Variants in RHOQ observed in about 807,000 individuals in gnomAD.
RHOQ encodes rho-related GTP-binding protein RhoQ.
Under a neutral mutation model 25.8 loss-of-function variants are expected in RHOQ, and 7 were observed. The observed-to-expected ratio is 0.27, with a 90% CI of 0.15 to 0.51. RHOQ has a LOEUF of 0.51. Among genes scored for constraint, RHOQ ranks in the 20% least tolerant of loss-of-function variants. The pLI, the probability that RHOQ is intolerant of heterozygous loss-of-function variation, is 0.97. For missense variants in RHOQ, 165 were observed against 260.6 expected (o/e 0.63, Z 2.53); for synonymous variants, 97 against 98.6 (o/e 0.98, Z 0.10).
At position 46,548,453 on chromosome 2, in the gene RHOQ, A is replaced by G. The variant is rs1013301804; in HGVS notation, c.201+4641A>G. 6.6e-6 allele frequency among the ~76,000 whole-genome samples: 1 copy of G among 152,222 alleles called. No individual in the cohort carries two copies. The highest frequency in any genetic ancestry group is 2.4e-5 in the African/African-American group (1 of 41,460). On this transcript the variant is annotated intron_variant, in intron 2 of 4. Coordinates refer to ENST00000238738, the MANE Select transcript of RHOQ (RefSeq NM_012249.4). The surrounding 1 kb of genome is among the most constrained non-coding windows in gnomAD (Gnocchi z 5.2). The stretch of plus-strand genomic sequence containing the variant: ...TCCCACCTCCAGGCAAGTCATCCTC[A>G]CAACACCCTTCAAGGTAGACTTCTC...
In RHOQ at chr2:46,552,670, G is replaced by C. The variant is rs1668278779; in HGVS notation, c.201+8858G>C. On this transcript the variant is annotated intron_variant, in intron 2 of 4. Transcript: ENST00000238738. This position sits in a 1 kb window ranked among gnomAD's most constrained non-coding sequence, Gnocchi z 5.0. ...TCCTGCCTGGCTGCTTCCTGTGGTGGCTGGCAAGCCTAGAAGAGAACATTC... is the reference window on the plus strand; with the variant it reads ...TCCTGCCTGGCTGCTTCCTGTGGTGCCTGGCAAGCCTAGAAGAGAACATTC... Among the ~76,000 whole-genome samples, 1 of 152,238 alleles carries C rather than the reference G, an allele frequency of 6.6e-6. No individual in the cohort carries two copies. The highest frequency in any genetic ancestry group is 6.5e-5 in the Admixed American group (1 of 15,288).
chr2:46,560,709 C>CCTG, intron 2 of RHOQ: 1 of 437,576 alleles, frequency 2.3e-6, no homozygotes, highest in Non-Finnish European at 4.7e-6. Flanking sequence ...CACTAATATT[C>CCTG]TCATTATGCA....
chr2:46,565,616 A>G (rs1055454298), intron 2 of RHOQ, among the ~76,000 whole-genome samples: 4 of 152,118 alleles, frequency 2.6e-5, no homozygotes, highest in African/African-American at 9.7e-5. Flanking sequence ...TACTGGAGAG[A>G]ATTCAGGTAT....
rs1558693112 is a variant in RHOQ at position 46,576,616 on chromosome 2, A to T, written c.422A>T (p.Lys141Ile). 1 of 1,610,610 alleles carries T rather than the reference A, an allele frequency of 6.2e-7. No individual in the cohort carries two copies. Among genetic ancestry groups the T allele is most frequent in the Non-Finnish European group, 8.5e-7 (1 of 1,178,202 alleles). ...GCAAGACTGAATGATATGAAAGAAA[A>T]ACCTATATGTGTGGAACAAGGACAG... ...TLARLNDMKE[K>I]PICVEQGQKL... Residue 141 changes from lysine to isoleucine, a missense_variant, in exon 4 of 5, where the codon AAA becomes ATA. Physicochemically the swap from Lys to Ile is moderately radical, Grantham distance 102 (BLOSUM62 -3). Transcript: ENST00000238738. This position sits in a 1 kb window ranked among gnomAD's most constrained non-coding sequence, Gnocchi z 5.1.
In RHOQ at chr2:46,584,583, C is replaced by G. The variant is rs1669506481; in HGVS notation, c.*3500C>G. On this transcript the variant is annotated 3_prime_UTR_variant, in exon 5 of 5. Coordinates refer to ENST00000238738, the MANE Select transcript of RHOQ (RefSeq NM_012249.4). ...AAAATGAAATGTTAAAAAATTTTGT[C>G]TAATGAAGGGTTACGGCTTGGAACA... Among the ~76,000 whole-genome samples, 1 of 152,134 alleles carries G rather than the reference C, an allele frequency of 6.6e-6. No individual in the cohort carries two copies. The highest frequency in any genetic ancestry group is 6.5e-5 in the Admixed American group (1 of 15,270).
Position 46,583,696 on chromosome 2 carries a change from C to G in RHOQ, c.*2613C>G, listed in dbSNP as rs1669478762. ...TTATTTTCAGAAGCATGTCTTCATT[C>G]AAAGCTTAGGCTTCAATAGAAATTC... On this transcript the variant is annotated 3_prime_UTR_variant, in exon 5 of 5. Coordinates refer to ENST00000238738, the MANE Select transcript of RHOQ (RefSeq NM_012249.4). 6.6e-6 allele frequency among the ~76,000 whole-genome samples: 1 copy of G among 152,108 alleles called. No individual in the cohort carries two copies. The highest frequency in any genetic ancestry group is 2.1e-4 in the South Asian group (1 of 4,828).
chr2:46,575,097 A>G (rs1320308252), intron 2 of RHOQ, among the ~76,000 whole-genome samples: 1 of 152,242 alleles, frequency 6.6e-6, no homozygotes, highest in East Asian at 1.9e-4. Context: ...TTTGTGATAG[A>G]GACTAAAATA....
intron 2 of RHOQ, 55 bp downstream of exon 2, chr2:46,543,867 G>T: frequency 6.6e-7 from 1 of 1,514,880 alleles, no homozygotes; most frequent in South Asian, 1.2e-5. Context: ...GTTCTTTGTG[G>T]CTGCGAAGGG....
At chr2:46,557,214 G>A (rs1292234525) in intron 2 of RHOQ, among the ~76,000 whole-genome samples, 1 of 152,172 alleles carries the variant, frequency 6.6e-6, no homozygotes, top group African/African-American at 2.4e-5. Flanking sequence ...CTGATTTTAT[G>A]AATTTATGCC....
At chr2:46,580,848 T>G in intron 4 of RHOQ, 80 bp from the exon 5 acceptor site, 1 of 1,004,434 alleles carries the variant, frequency 1.0e-6, no homozygotes, top group South Asian at 3.0e-5. Context: ...TTTATAATTT[T>G]CTTTATAATG....
rs6725533 is a variant in RHOQ, at chr2:46,552,111, G to A, written c.201+8299G>A. ...TTCATGTAAAAGGTACATTCCAAGC[G>A]TATCGCTTTTCTAGCTAGAAGAGAT... On this transcript the variant is annotated intron_variant, in intron 2 of 4. Coordinates refer to ENST00000238738, the MANE Select transcript of RHOQ (RefSeq NM_012249.4). The surrounding 1 kb of genome is among the most constrained non-coding windows in gnomAD (Gnocchi z 5.0). Among the ~76,000 whole-genome samples, 143 of 152,310 alleles carry A rather than the reference G, an allele frequency of 9.4e-4. No homozygotes were observed. The highest frequency in any genetic ancestry group is 3.4e-3 in the Middle Eastern group (1 of 294).
chr2:46,572,247 C>T (rs1052037952), intron 2 of RHOQ, among the ~76,000 whole-genome samples: 3 of 151,462 alleles, frequency 2.0e-5, no homozygotes, highest in Admixed American at 6.6e-5. Context: ...GGACTGCAGG[C>T]ATGTGCCACC....
Position 46,576,234 on chromosome 2 carries a change from T to C in RHOQ, c.349T>C (p.Leu117=). 1 of 1,609,998 alleles carries C rather than the reference T, an allele frequency of 6.2e-7. No individual in the cohort carries two copies. ...GGAATACGCACCAAATGTACCCTTT[T>C]TATTAATAGGAACTCAGGTATGTCT... ...LKEYAPNVPF[L]LIGTQIDLRD... is the part of the protein sequence containing the mutation. Residue 117 remains leucine, a synonymous_variant, in exon 3 of 5, where the codon TTA becomes CTA. Coordinates refer to ENST00000238738, the MANE Select transcript of RHOQ (RefSeq NM_012249.4). This position sits in a 1 kb window ranked among gnomAD's most constrained non-coding sequence, Gnocchi z 5.1.
In RHOQ at chr2:46,555,814, C is replaced by CT. The variant is rs1043850539; in HGVS notation, c.201+12003dup. 2.6e-5 allele frequency among the ~76,000 whole-genome samples: 4 copies of CT among 152,192 alleles called. No individual in the cohort carries two copies. The highest frequency in any genetic ancestry group is 2.6e-4 in the Admixed American group (4 of 15,278). ...AGGGGGACATGGTGAGGATGCTGAC[C>CT]TGCTCACTTGTGTCTTGACTGGGAG... On this transcript the variant is annotated intron_variant, in intron 2 of 4. Coordinates refer to ENST00000238738, the MANE Select transcript of RHOQ (RefSeq NM_012249.4). This position sits in a 1 kb window ranked among gnomAD's most constrained non-coding sequence, Gnocchi z 4.3.
intron 2 of RHOQ, among the ~76,000 whole-genome samples, chr2:46,562,768 C>G (rs1668614244): frequency 6.6e-6 from 1 of 152,144 alleles, no homozygotes; most frequent in South Asian, 2.1e-4. Flanking sequence ...GCTATTTTCT[C>G]AGTATTTTAA....
intron 2 of RHOQ, among the ~76,000 whole-genome samples, chr2:46,551,988 C>T (rs1443698929): frequency 8.5e-5 from 13 of 152,202 alleles, no homozygotes; most frequent in African/African-American, 4.8e-5. Flanking sequence ...GGCAGGCTGT[C>T]GGACTTTAAG....
intron 2 of RHOQ, among the ~76,000 whole-genome samples, chr2:46,558,771 T>G (rs1012008102): frequency 3.9e-5 from 6 of 152,238 alleles, no homozygotes; most frequent in Non-Finnish European, 7.3e-5. Context: ...GCTGGAATGA[T>G]CCTCTAATTA....
intron 2 of RHOQ, among the ~76,000 whole-genome samples, chr2:46,570,891 A>G (rs758650431): frequency 3.3e-5 from 5 of 152,216 alleles, no homozygotes; most frequent in Non-Finnish European, 7.3e-5. Context: ...GGAAAACTCT[A>G]GTAGGTTTTG....
At chr2:46,546,508 A>ATG (rs1558680617) in intron 2 of RHOQ, among the ~76,000 whole-genome samples, 1 of 22,832 alleles carries the variant, frequency 4.4e-5, no homozygotes, top group Non-Finnish European at 8.0e-5. Context: ...ATATATATAT[A>ATG]TATGTATATA....
Sources: gnomAD v4.1 joint callset for allele counts (sites outside exome capture counted in the v4.1 genomes callset) on GRCh38, gnomAD v4.1.1 for gene constraint, Gnocchi (gnomAD v3.1) non-coding constraint, MANE v1.5 for transcripts, NCBI Gene and HGNC (gene_info 2026-07-23, HGNC 2026-07-21) for gene names.